GRM3: variants seen among roughly 807,000 people sequenced by gnomAD.
The protein encoded by GRM3 is metabotropic glutamate receptor 3.
In GRM3, 26 loss-of-function variants were observed where a neutral mutation model predicts 70.5. That is an observed-to-expected ratio of 0.37 (90% confidence interval 0.27 to 0.51). The LOEUF (loss-of-function observed/expected upper bound fraction) is 0.51. Among genes scored for constraint, GRM3 ranks in the 20% least tolerant of loss-of-function variants. The probability of loss-of-function intolerance (pLI) is 0.93; values close to 1 mark genes in which losing one functional copy is unlikely to be tolerated. For synonymous variants in GRM3, 443 were observed against 434.9 expected (o/e 1.02, Z -0.23); for missense variants, 859 against 1,123.8 (o/e 0.76, Z 3.37).
At chr7:86,645,496 C>T (rs940075411) in intron 1 of GRM3, among the ~76,000 whole-genome samples, 125 of 152,300 alleles carry the variant, frequency 8.2e-4, no homozygotes, top group Non-Finnish European at 2.4e-4. Flanking sequence ...GACCCTGTTC[C>T]ATTTTCTTAT....
In GRM3 at chr7:86,644,378, G is replaced by C; in HGVS notation, c.-635G>C. On this transcript the variant is annotated 5_prime_UTR_variant, in exon 1 of 6. Transcript: ENST00000361669. ...AGGATGCCAGGAGGTCCGTGCTTCT[G>C]CCAAGAGTCCCAATTAGATGCGACG... is the stretch of plus-strand genomic sequence containing the variant. 1 of 304,126 alleles carries C rather than the reference G, an allele frequency of 3.3e-6. No individual in the cohort carries two copies. Among genetic ancestry groups the C allele is most frequent in the South Asian group, 2.7e-5 (1 of 36,406 alleles). The allele number at this position is 304,126 out of a possible 1,614,324, so 18.8% of individuals were successfully genotyped here. A position where few individuals can be genotyped will look rare whatever the true frequency, so the allele number is the denominator to read the frequency against.
intron 1 of GRM3, among the ~76,000 whole-genome samples, chr7:86,675,788 A>C (rs983426438): frequency 6.6e-6 from 1 of 152,086 alleles, no homozygotes; most frequent in African/African-American, 2.4e-5. Flanking sequence ...CATTGCATGT[A>C]TTTTAAAATT....
In GRM3 at chr7:86,864,446, C is replaced by G. The variant is rs767639110; in HGVS notation, c.*91C>G. On this transcript the variant is annotated 3_prime_UTR_variant, in exon 6 of 6. Coordinates refer to ENST00000361669, the MANE Select transcript of GRM3 (RefSeq NM_000840.3). The stretch of plus-strand genomic sequence containing the variant: ...AGAATATGGAAACAGAGCAAAAGAA[C>G]AACCCTAGTACCTTTTTTTAGAAAC... 1.1e-6 allele frequency: 1 copy of G among 886,574 alleles called. No homozygotes were observed. The highest frequency in any genetic ancestry group is 1.9e-6 in the Non-Finnish European group (1 of 516,198). The allele number at this position is 886,574 out of a possible 1,614,324, so 54.9% of individuals were successfully genotyped here. A position where few individuals can be genotyped will look rare whatever the true frequency, so the allele number is the denominator to read the frequency against.
At chr7:86,735,785 T>A (rs1795844141) in intron 1 of GRM3, among the ~76,000 whole-genome samples, 1 of 152,198 alleles carries the variant, frequency 6.6e-6, no homozygotes, top group South Asian at 2.1e-4. Flanking sequence ...TAAGTACCAT[T>A]TTACCATAAA....
intron 3 of GRM3, among the ~76,000 whole-genome samples, chr7:86,820,334 T>C (rs1374072114): frequency 4.6e-5 from 7 of 152,130 alleles, no homozygotes; most frequent in African/African-American, 1.7e-4. Flanking sequence ...TTGACTTCCA[T>C]CAGGATCTTG....
intron 3 of GRM3, among the ~76,000 whole-genome samples, chr7:86,802,587 A>G (rs1003994012): frequency 1.3e-5 from 2 of 150,980 alleles, no homozygotes; most frequent in Non-Finnish European, 2.9e-5. Flanking sequence ...TCTGAGAATC[A>G]ATAGTAAATT....
Position 86,765,281 on chromosome 7 carries a change from C to T in GRM3, c.136C>T (p.Pro46Ser). 6.2e-7 allele frequency: 1 copy of T among 1,613,726 alleles called. No individual in the cohort carries two copies. Among genetic ancestry groups the T allele is most frequent in the Non-Finnish European group, 8.5e-7 (1 of 1,179,816 alleles). Residue 46 changes from proline (P) to serine (S), a missense_variant, in exon 2 of 6, where the codon CCT becomes TCT. Coordinates refer to ENST00000361669, the MANE Select transcript of GRM3 (RefSeq NM_000840.3). ...TGACCTTGTTTTAGGGGGCCTGTTT[C>T]CTATTAACGAAAAAGGCACTGGAAC... ...EGDLVLGGLF[P>S]INEKGTGTEE... is the part of the protein sequence containing the mutation.
intron 3 of GRM3, among the ~76,000 whole-genome samples, chr7:86,797,678 T>C (rs1797581907): frequency 6.6e-6 from 1 of 152,242 alleles, no homozygotes; most frequent in East Asian, 1.9e-4. Context: ...TCAAGCTGGC[T>C]GCATAAATCT....
intron 1 of GRM3, among the ~76,000 whole-genome samples, chr7:86,721,802 G>A (rs564865759): frequency 6.6e-6 from 1 of 152,114 alleles, no homozygotes; most frequent in Non-Finnish European, 1.5e-5. Flanking sequence ...GGCTGAGACA[G>A]CATTGGGAGG....
intron 2 of GRM3, among the ~76,000 whole-genome samples, chr7:86,765,830 A>T (rs567375217): frequency 6.6e-6 from 1 of 152,288 alleles, no homozygotes; most frequent in Non-Finnish European, 1.5e-5. Flanking sequence ...CTATTGCAAC[A>T]TTAAACACTA....
At chr7:86,712,377 G>A (rs2116178374) in intron 1 of GRM3, among the ~76,000 whole-genome samples, 1 of 152,054 alleles carries the variant, frequency 6.6e-6, no homozygotes, top group Non-Finnish European at 1.5e-5. Context: ...TTAAAATAAA[G>A]TATATTTGGG....
In GRM3 at chr7:86,839,362, C is replaced by T; in HGVS notation, c.1848C>T (p.Tyr616=). The T allele has an allele frequency of 6.2e-7, 1 of 1,614,066 alleles. No homozygotes were observed. Among genetic ancestry groups the T allele is most frequent in the Non-Finnish European group, 8.5e-7 (1 of 1,179,988 alleles). The part of the protein sequence containing the change: ...LVKASGRELC[Y]ILLFGVGLSY... The stretch of plus-strand genomic sequence containing the variant: ...AAGCATCGGGCCGAGAACTCTGCTA[C>T]ATCTTATTGTTTGGGGTTGGCCTGT... The change falls in exon 4 of 6, where the codon TAC becomes TAT. Residue 616 remains tyrosine, a synonymous_variant. Coordinates refer to ENST00000361669, the MANE Select transcript of GRM3 (RefSeq NM_000840.3). The surrounding 1 kb of genome is among the most constrained non-coding windows in gnomAD (Gnocchi z 4.5).
At chr7:86,799,613 G>A (rs763466769) in intron 3 of GRM3, among the ~76,000 whole-genome samples, 18 of 152,084 alleles carry the variant, frequency 1.2e-4, no homozygotes, top group African/African-American at 4.3e-4. Flanking sequence ...TGCAAGCTCC[G>A]CCTCCTGGGT....
chr7:86,718,015 A>T (rs1795361765), intron 1 of GRM3, among the ~76,000 whole-genome samples: 1 of 125,472 alleles, frequency 8.0e-6, no homozygotes, highest in African/African-American at 2.6e-5. Flanking sequence ...CTTAATTCTC[A>T]TGGGTTCCTA....
chr7:86,665,121 G>T (rs75488635), intron 1 of GRM3, among the ~76,000 whole-genome samples: 2,020 of 152,110 alleles, frequency 0.013, 40 homozygotes, highest in African/African-American at 0.046. Flanking sequence ...CCTGCTACAT[G>T]AAGAAATCTA....
chr7:86,831,533 G>C (rs1453281381), intron 3 of GRM3, among the ~76,000 whole-genome samples: 1 of 151,956 alleles, frequency 6.6e-6, no homozygotes, highest in African/African-American at 2.4e-5. Context: ...AATCAGGTTA[G>C]CCCTGTCCCC....
intron 2 of GRM3, among the ~76,000 whole-genome samples, chr7:86,779,432 A>G (rs1796984465): frequency 6.6e-6 from 1 of 152,206 alleles, no homozygotes; most frequent in African/African-American, 2.4e-5. Context: ...GCACACACAC[A>G]CACACACAAA....
At chr7:86,853,214 T>C (rs1262716889) in intron 5 of GRM3, among the ~76,000 whole-genome samples, 1 of 152,136 alleles carries the variant, frequency 6.6e-6, no homozygotes, top group Non-Finnish European at 1.5e-5. Flanking sequence ...GTGCATTACA[T>C]GTAATAAAGG....
Position 86,765,560 on chromosome 7 carries a change from C to A in GRM3, c.415C>A (p.Pro139Thr), listed in dbSNP as rs2116417172. 1 of 1,613,440 alleles carries A rather than the reference C, an allele frequency of 6.2e-7. No homozygotes were observed. Among genetic ancestry groups the A allele is most frequent in the Admixed American group, 1.7e-5 (1 of 59,934 alleles). ...ATCCTATGCCATTCAAGAAAACATC[C>A]CACTTCTCATTGCAGGGGTCATTGG... Reference protein sequence around the residue: ...DGSYAIQENIPLLIAGVIGGS... With the variant: ...DGSYAIQENITLLIAGVIGGS... The change falls in exon 2 of 6, where the codon CCA (proline) becomes ACA (threonine). Residue 139 changes from proline (P) to threonine (T), a missense_variant. Coordinates refer to ENST00000361669, the MANE Select transcript of GRM3 (RefSeq NM_000840.3).
Sources: gnomAD v4.1 joint callset for allele counts (sites outside exome capture counted in the v4.1 genomes callset) on GRCh38, gnomAD v4.1.1 for gene constraint, Gnocchi (gnomAD v3.1) non-coding constraint, MANE v1.5 for transcripts, NCBI Gene and HGNC (gene_info 2026-07-23, HGNC 2026-07-21) for gene names.